Variants in SIPA1L1 observed in about 807,000 individuals in gnomAD.
SIPA1L1 encodes signal-induced proliferation-associated 1-like protein 1.
Under a neutral mutation model 162.7 loss-of-function variants are expected in SIPA1L1, and 26 were observed. That is an observed-to-expected ratio of 0.16 (90% confidence interval 0.12 to 0.22). The LOEUF is 0.22. SIPA1L1 is among the 10% of genes least tolerant of loss of function. The pLI, the probability that SIPA1L1 is intolerant of heterozygous loss-of-function variation, is 1.00. For synonymous variants in SIPA1L1, 829 were observed against 837.4 expected, an observed-to-expected ratio of 0.99 and a Z score of 0.17; for missense variants, 1,874 against 2,241.0, an observed-to-expected ratio of 0.84 and a Z score of 3.31.
chr14:71,514,154 T>A (rs2051465814), intron 3 of SIPA1L1, among the ~76,000 whole-genome samples: 1 of 152,188 alleles, frequency 6.6e-6, no homozygotes. Flanking sequence ...GTGCAGTATC[T>A]GCAAAGATAC....
At chr14:71,662,137 A>G (rs1327873047) in intron 10 of SIPA1L1, among the ~76,000 whole-genome samples, 1 of 152,202 alleles carries the variant, frequency 6.6e-6, no homozygotes, top group Non-Finnish European at 1.5e-5. Context: ...GATGTTTTTA[A>G]TGTGCATCAG....
intron 10 of SIPA1L1, among the ~76,000 whole-genome samples, chr14:71,662,483 C>T (rs1016598206): frequency 2.6e-5 from 4 of 152,178 alleles, no homozygotes; most frequent in African/African-American, 7.2e-5. Context: ...GCTTTTATCT[C>T]CATTTTCAGA....
At chr14:71,544,875 C>CT (rs2055036418) in intron 4 of SIPA1L1, among the ~76,000 whole-genome samples, 1 of 152,082 alleles carries the variant, frequency 6.6e-6, no homozygotes, top group Admixed American at 6.6e-5. Flanking sequence ...ATTAAGTTCT[C>CT]TAACTTTATA....
At chr14:71,524,935 T>C (rs1296215742) in intron 3 of SIPA1L1, among the ~76,000 whole-genome samples, 1 of 152,128 alleles carries the variant, frequency 6.6e-6, no homozygotes, top group African/African-American at 2.4e-5. Context: ...CATTCTTACC[T>C]CTATGGGAAA....
At chr14:71,513,968 G>A (rs967167208) in intron 3 of SIPA1L1, among the ~76,000 whole-genome samples, 1 of 152,090 alleles carries the variant, frequency 6.6e-6, no homozygotes, top group Non-Finnish European at 1.5e-5. Context: ...TTTCATTACC[G>A]GCGGCGAATC....
chr14:71,548,920 G>T (rs889170083), intron 4 of SIPA1L1, among the ~76,000 whole-genome samples: 1 of 150,590 alleles, frequency 6.6e-6, no homozygotes, highest in African/African-American at 2.4e-5. Flanking sequence ...AAATGAAAAG[G>T]CATGCTTATA....
chr14:71,412,628 A>G (rs957734203), intron 2 of SIPA1L1, among the ~76,000 whole-genome samples: 1 of 152,130 alleles, frequency 6.6e-6, no homozygotes, highest in African/African-American at 2.4e-5. Flanking sequence ...GTCCGGGGTG[A>G]TAGGCTGGGA....
intron 4 of SIPA1L1, among the ~76,000 whole-genome samples, chr14:71,564,409 A>G (rs562830213): frequency 7.1e-6 from 1 of 141,694 alleles, no homozygotes; most frequent in South Asian, 2.2e-4. Context: ...CTTTTGTTTC[A>G]GCAGGTACTC....
chr14:71,367,492 T>C (rs1280122970), intron 2 of SIPA1L1, among the ~76,000 whole-genome samples: 2 of 151,530 alleles, frequency 1.3e-5, no homozygotes, highest in Non-Finnish European at 2.9e-5. Context: ...TATTTTTTAC[T>C]GGAGACGGGG....
chr14:71,563,771 T>C (rs534725895), intron 4 of SIPA1L1, among the ~76,000 whole-genome samples: 178 of 152,348 alleles, frequency 1.2e-3, no homozygotes, highest in African/African-American at 4.1e-3. Flanking sequence ...TCCACTGTTT[T>C]CTTTGTGAAA....
intron 2 of SIPA1L1, among the ~76,000 whole-genome samples, chr14:71,336,064 G>C (rs560942147): frequency 6.6e-6 from 1 of 152,216 alleles, no homozygotes; most frequent in East Asian, 1.9e-4. Context: ...TCTTCCTAAA[G>C]TATCTTTTAG....
chr14:71,491,813 C>A (rs1053397336), intron 2 of SIPA1L1, among the ~76,000 whole-genome samples: 1 of 147,906 alleles, frequency 6.8e-6, no homozygotes, highest in South Asian at 2.2e-4. Flanking sequence ...CACACACACA[C>A]CCCTTCCCCC....
At position 71,708,034 on chromosome 14, in the gene SIPA1L1, T is replaced by G. The variant is rs866259284; in HGVS notation, c.3766-1188T>G. Among the ~76,000 whole-genome samples the G allele has an allele frequency of 4.8e-3, 717 of 148,838 alleles. 4 individuals are homozygous for G. The highest frequency in any genetic ancestry group is 0.011 in the African/African-American group (442 of 40,784). On this transcript the variant is annotated intron_variant, in intron 16 of 23. Transcript: ENST00000381232. Reference sequence around the variant, plus strand: ...TTTGGTGTTTTTTTTTTTTTGTTTTTTTTTTTTTTTTTGGAGAAATGTCTA... The same window carrying G: ...TTTGGTGTTTTTTTTTTTTTGTTTTGTTTTTTTTTTTTGGAGAAATGTCTA...
chr14:71,621,412 G>A (rs1360419845), intron 6 of SIPA1L1, among the ~76,000 whole-genome samples: 2 of 152,108 alleles, frequency 1.3e-5, no homozygotes, highest in South Asian at 4.2e-4. Flanking sequence ...TGCCACACTG[G>A]CCTCCTTCCT....
At chr14:71,370,710 G>A (rs1262052844) in intron 2 of SIPA1L1, among the ~76,000 whole-genome samples, 3 of 152,122 alleles carry the variant, frequency 2.0e-5, no homozygotes, top group Non-Finnish European at 2.9e-5. Context: ...GAGTCAGAGA[G>A]GCCAACTTGC....
chr14:71,722,516 A>G (rs2083837679), intron 17 of SIPA1L1, among the ~76,000 whole-genome samples: 1 of 152,178 alleles, frequency 6.6e-6, no homozygotes, highest in African/African-American at 2.4e-5. Flanking sequence ...CTTTGGTCTC[A>G]CCCCATGCTG....
intron 4 of SIPA1L1, among the ~76,000 whole-genome samples, chr14:71,568,344 T>G (rs2031199584): frequency 6.6e-6 from 1 of 152,214 alleles, no homozygotes; most frequent in Non-Finnish European, 1.5e-5. Context: ...GGTGTGATGA[T>G]ATTCTTGCCA....
intron 2 of SIPA1L1, among the ~76,000 whole-genome samples, chr14:71,336,463 A>G (rs1252242625): frequency 6.6e-6 from 1 of 152,160 alleles, no homozygotes; most frequent in Admixed American, 6.5e-5. Flanking sequence ...GGGATCATAC[A>G]ATATTTTGTG....
rs199557614 is a variant in SIPA1L1 at position 71,590,299 on chromosome 14, C to A, written c.1498+929C>A. ...AGGATGCTTACCCACGAAGGACATACCTCTGTGTTCCATTAGCTAGATTGG... is the reference window on the plus strand; with the variant it reads ...AGGATGCTTACCCACGAAGGACATAACTCTGTGTTCCATTAGCTAGATTGG... On this transcript the variant is annotated intron_variant, in intron 5 of 23. Coordinates refer to ENST00000381232, the MANE Select transcript of SIPA1L1 (RefSeq NM_001386936.1). Among the ~76,000 whole-genome samples the A allele has an allele frequency of 5.9e-5, 9 of 151,874 alleles. No homozygotes were observed. The East Asian group carries it at 1.7e-3, about 29-fold the overall frequency.
Sources: gnomAD v4.1 joint callset for allele counts (sites outside exome capture counted in the v4.1 genomes callset) on GRCh38, gnomAD v4.1.1 for gene constraint, MANE v1.5 for transcripts, NCBI Gene and HGNC (gene_info 2026-07-23, HGNC 2026-07-21) for gene names.